The following TP53BP2 variants were observed in gnomAD, a reference collection of about 807,000 sequenced individuals.
TP53BP2 encodes tumor protein p53 binding protein 2.
TP53BP2 carries 62 observed loss-of-function variants against 126.2 expected under a neutral mutation model. The ratio of observed to expected loss-of-function variants is 0.49; its 90% CI spans 0.40 to 0.61. The LOEUF (loss-of-function observed/expected upper bound fraction) is 0.61. Among genes scored for constraint, TP53BP2 ranks in the 20% least tolerant of loss-of-function variants. The pLI is 0.00. For missense variants in TP53BP2, 1,215 were observed against 1,402.8 expected, an observed-to-expected ratio of 0.87 and a Z score of 2.14; for synonymous variants, 485 against 502.9, an observed-to-expected ratio of 0.96 and a Z score of 0.48.
intron 15 of TP53BP2, among the ~76,000 whole-genome samples, chr1:223,789,648 C>T (rs1662084948): frequency 6.6e-6 from 1 of 152,052 alleles, no homozygotes; most frequent in African/African-American, 2.4e-5. Context: ...CATAGATGAA[C>T]TACTTTTATA....
intron 4 of TP53BP2, among the ~76,000 whole-genome samples, chr1:223,808,929 A>AT (rs540472729): frequency 1.3e-3 from 195 of 152,298 alleles, no homozygotes; most frequent in African/African-American, 4.5e-3. Flanking sequence ...CACTACACAT[A>AT]TATTTTAATG....
In TP53BP2 at chr1:223,803,335, A is replaced by G. The variant is rs1048828678; in HGVS notation, c.767T>C (p.Ile256Thr). The G allele has an allele frequency of 1.9e-6, 3 of 1,613,670 alleles. No homozygotes were observed. The highest frequency in any genetic ancestry group is 1.7e-6 in the Non-Finnish European group (2 of 1,179,892). ...AGACTGATTGTCATGGTGGCTGTCG[A>G]TCCTGCCGTTCTTGAGCATCTCTAG... ...RQLEMLKNGR[I>T]DSHHDNQSAV... The change falls in exon 7 of 18, where the codon ATC becomes ACC. Residue 256 changes from isoleucine to threonine, a missense_variant. Around this residue, in one of 4 missense-constraint regions of TP53BP2, gnomAD observed 814 missense variants for 853.0 expected, o/e 0.95. Transcript: ENST00000343537.
intron 2 of TP53BP2, among the ~76,000 whole-genome samples, chr1:223,819,790 A>G (rs1663236713): frequency 6.6e-6 from 1 of 152,236 alleles, no homozygotes; most frequent in Non-Finnish European, 1.5e-5. Flanking sequence ...GGTTACCAGG[A>G]GCAGCTAGAA....
At chr1:223,815,369 C>G (rs1360817180) in intron 2 of TP53BP2, among the ~76,000 whole-genome samples, 2 of 152,098 alleles carry the variant, frequency 1.3e-5, no homozygotes, top group Non-Finnish European at 1.5e-5. Flanking sequence ...TTTTATAAAC[C>G]ACACATATTC....
Position 223,845,825 on chromosome 1 carries a change from GC to G in TP53BP2, c.-146del. On this transcript the variant is annotated 5_prime_UTR_variant, in exon 1 of 18. Coordinates refer to ENST00000343537, the MANE Select transcript of TP53BP2 (RefSeq NM_001031685.3). ...CAGCGGCGGCGCGCGGGTCCGAAGG[GC>G]CCTCCGCGCGGGCTGGGGCACCAAC... 1.7e-6 allele frequency: 1 copy of G among 598,710 alleles called. No homozygotes were observed. The highest frequency in any genetic ancestry group is 2.3e-6 in the Non-Finnish European group (1 of 430,876). The allele number at this position is 598,710 out of a possible 1,614,324, so 37.1% of individuals were successfully genotyped here. A position where few individuals can be genotyped will look rare whatever the true frequency, so the allele number is the denominator to read the frequency against.
chr1:223,835,984 T>C (rs1284875065), intron 1 of TP53BP2, among the ~76,000 whole-genome samples: 1 of 151,876 alleles, frequency 6.6e-6, no homozygotes, highest in African/African-American at 2.4e-5. Context: ...GCTAAAACTG[T>C]AGGATGAATA....
chr1:223,803,236 G>A (rs748963962), intron 7 of TP53BP2, 35 bp downstream of exon 7: 1 of 1,572,704 alleles, frequency 6.4e-7, no homozygotes, highest in Admixed American at 1.9e-5. Flanking sequence ...CTGGAAAGGA[G>A]GTTGTACAGC....
chr1:223,831,476 AAAAAAT>A (rs1456644562), intron 1 of TP53BP2, among the ~76,000 whole-genome samples: 1,397 of 49,824 alleles, frequency 0.028, 6 homozygotes, highest in Admixed American at 0.056. Context: ...TAAAAAAAAA[AAAAAAT>A]ATATATATAT....
At chr1:223,817,659 C>T (rs1055179400) in intron 2 of TP53BP2, among the ~76,000 whole-genome samples, 1 of 152,104 alleles carries the variant, frequency 6.6e-6, no homozygotes, top group African/African-American at 2.4e-5. Context: ...AATGTGGTGG[C>T]TCATGTCTGT....
At chr1:223,838,171 T>A (rs1663985343) in intron 1 of TP53BP2, among the ~76,000 whole-genome samples, 1 of 152,136 alleles carries the variant, frequency 6.6e-6, no homozygotes, top group South Asian at 2.1e-4. Flanking sequence ...GTTTATTTTC[T>A]CTCTCTCCCA....
At chr1:223,797,068 A>G (rs1166194088) in intron 12 of TP53BP2, among the ~76,000 whole-genome samples, 1 of 152,236 alleles carries the variant, frequency 6.6e-6, no homozygotes. Context: ...CCCTGTTAAC[A>G]TTCTGATTAT....
In TP53BP2 at chr1:223,800,040, A is replaced by G; in HGVS notation, c.1344T>C (p.Asp448=). ...CTTTCTCCCTCAGCGGAACCTCTCC[A>G]TCATCAACTAAAGACAAAAAAATCA... is the stretch of plus-strand genomic sequence containing the variant. ...STGNALDQVD[D]GEVPLREKEK... is the part of the protein sequence containing the mutation. Residue 448 remains aspartate, a synonymous_variant, in exon 11 of 18, where the codon GAT becomes GAC. Coordinates refer to ENST00000343537, the MANE Select transcript of TP53BP2 (RefSeq NM_001031685.3). 1 of 1,601,776 alleles carries G rather than the reference A, an allele frequency of 6.2e-7. No individual in the cohort carries two copies. The highest frequency in any genetic ancestry group is 8.5e-7 in the Non-Finnish European group (1 of 1,176,312).
intron 16 of TP53BP2, among the ~76,000 whole-genome samples, chr1:223,788,293 A>G (rs2102834282): frequency 6.6e-6 from 1 of 152,248 alleles, no homozygotes; most frequent in African/African-American, 2.4e-5. Context: ...TGAAAACTTG[A>G]GCAGTATGGA....
intron 1 of TP53BP2, among the ~76,000 whole-genome samples, chr1:223,828,791 A>G (rs1663593697): frequency 6.6e-6 from 1 of 152,206 alleles, no homozygotes; most frequent in Admixed American, 6.5e-5. Context: ...GCAAATGCAT[A>G]CAGACAAAAA....
chr1:223,819,794 G>T (rs903637048), intron 2 of TP53BP2, among the ~76,000 whole-genome samples: 10 of 152,200 alleles, frequency 6.6e-5, no homozygotes, highest in Non-Finnish European at 1.5e-4. Context: ...ACCAGGAGCA[G>T]CTAGAAGTTC....
chr1:223,793,105 C>G (rs983569052), intron 14 of TP53BP2, among the ~76,000 whole-genome samples, 198 bp downstream of exon 14: 1 of 152,028 alleles, frequency 6.6e-6, no homozygotes, highest in Admixed American at 6.6e-5. Context: ...AAAGCGTGCC[C>G]AAGAGTTCCT....
In TP53BP2 at chr1:223,814,309, G is replaced by A. The variant is rs1663012215; in HGVS notation, c.220C>T (p.Arg74Ter). 6.2e-7 allele frequency: 1 copy of A among 1,613,900 alleles called. No individual in the cohort carries two copies. Among genetic ancestry groups the A allele is most frequent in the Non-Finnish European group, 8.5e-7 (1 of 1,179,832 alleles). ...ACTTCGTTCCTCTGACTTCCAAATC[G>A]TTGAAGAACATCAAACATTCGCTCA... ...DNERMFDVLQ[R>*]FGSQRNEVRF... is the part of the protein sequence containing the mutation. The change falls in exon 3 of 18, where the codon CGA becomes TGA. Residue 74 changes from arginine (R) to a stop codon, truncating the protein, a stop_gained. Coordinates refer to ENST00000343537, the MANE Select transcript of TP53BP2 (RefSeq NM_001031685.3). LOFTEE classifies it high-confidence loss of function.
At chr1:223,803,474 A>T in intron 6 of TP53BP2, 22 bp from the exon 7 acceptor site, 1 of 1,568,904 alleles carries the variant, frequency 6.4e-7, no homozygotes, top group Non-Finnish European at 8.7e-7. Context: ...AGAGAACAGC[A>T]ACAACAGTTG....
At chr1:223,802,660 T>C (rs1662567624) in intron 8 of TP53BP2, 71 bp downstream of exon 8, 1 of 1,543,722 alleles carries the variant, frequency 6.5e-7, no homozygotes, top group South Asian at 1.2e-5. Flanking sequence ...AGAAGATGCC[T>C]ATGAGTAACC....
Sources: gnomAD v4.1 joint callset for allele counts (sites outside exome capture counted in the v4.1 genomes callset) on GRCh38, gnomAD v4.1.1 for gene constraint, gnomAD v4.1.1 regional missense constraint, MANE v1.5 for transcripts, NCBI Gene and HGNC (gene_info 2026-07-23, HGNC 2026-07-21) for gene names.